RABGAP1L: variants seen among roughly 807,000 people sequenced by gnomAD.
RABGAP1L encodes rab GTPase-activating protein 1-like.
Under a neutral mutation model 137.7 loss-of-function variants are expected in RABGAP1L, and 63 were observed. The ratio of observed to expected loss-of-function variants is 0.46; its 90% CI spans 0.37 to 0.56. RABGAP1L has a LOEUF of 0.56. Among genes scored for constraint, RABGAP1L ranks in the 20% least tolerant of loss-of-function variants. The pLI, the probability that RABGAP1L is intolerant of heterozygous loss-of-function variation, is 0.00. For missense variants in RABGAP1L, 1,095 were observed against 1,244.0 expected (o/e 0.88, Z 1.80); for synonymous variants, 431 against 433.7 (o/e 0.99, Z 0.08).
At chr1:174,543,476 G>A (rs1421434991) in intron 13 of RABGAP1L, among the ~76,000 whole-genome samples, 2 of 151,918 alleles carry the variant, frequency 1.3e-5, no homozygotes, top group Non-Finnish European at 2.9e-5. Context: ...TTTATTTTGA[G>A]CCTATGTGTT....
intron 11 of RABGAP1L, among the ~76,000 whole-genome samples, chr1:174,369,399 C>G (rs907696187): frequency 5.3e-5 from 8 of 152,128 alleles, no homozygotes; most frequent in Non-Finnish European, 8.8e-5. Context: ...CCATGTTGCC[C>G]AGGCTGGTCT....
chr1:174,612,413 A>G (rs1671344145), intron 13 of RABGAP1L, among the ~76,000 whole-genome samples: 1 of 152,160 alleles, frequency 6.6e-6, no homozygotes. Context: ...AGCCCACTTG[A>G]TCATGGTGGA....
intron 13 of RABGAP1L, among the ~76,000 whole-genome samples, chr1:174,481,838 A>G (rs1659116625): frequency 6.6e-6 from 1 of 151,512 alleles, no homozygotes; most frequent in African/African-American, 2.4e-5. Flanking sequence ...ACTAACCTGC[A>G]CAATGTGCAC....
At chr1:174,800,597 T>C in intron 18 of RABGAP1L, 4 of 1,464,464 alleles carry the variant, frequency 2.7e-6, no homozygotes, top group Non-Finnish European at 3.6e-6. Context: ...TCTCTGGTTT[T>C]CTTCTCCTTC....
chr1:174,446,602 T>G (rs1221465902), intron 13 of RABGAP1L, among the ~76,000 whole-genome samples: 1 of 152,212 alleles, frequency 6.6e-6, no homozygotes, highest in Non-Finnish European at 1.5e-5. Flanking sequence ...CTTGCAATGT[T>G]TCAAACTCTA....
At chr1:174,449,644 T>G (rs2149254253) in intron 13 of RABGAP1L, among the ~76,000 whole-genome samples, 1 of 152,344 alleles carries the variant, frequency 6.6e-6, no homozygotes, top group South Asian at 2.1e-4. Context: ...ATATATGTGG[T>G]AAAGTATAAT....
intron 15 of RABGAP1L, among the ~76,000 whole-genome samples, chr1:174,690,273 CTTA>C (rs1678784526): frequency 6.6e-6 from 1 of 152,098 alleles, no homozygotes; most frequent in Non-Finnish European, 1.5e-5. Flanking sequence ...TCCTTCTAGG[CTTA>C]TTATGAGTAT....
At position 174,840,279 on chromosome 1, in the gene RABGAP1L, G is replaced by A. The variant is rs151170782; in HGVS notation, c.2340+28319G>A. Among the ~76,000 whole-genome samples, 46 of 152,268 alleles carry A rather than the reference G, an allele frequency of 3.0e-4. No homozygotes were observed. The East Asian group carries it at 6.2e-3, about 20-fold the overall frequency. On this transcript the variant is annotated intron_variant, in intron 19 of 25. Coordinates refer to ENST00000681986, the MANE Select transcript of RABGAP1L (RefSeq NM_001366446.1). ...CTTCTCCCTTACAAATTATCCAACT[G>A]CACTGGGAGAGCAACATGGTAGAAA...
chr1:174,707,141 A>C (rs1312533294), intron 17 of RABGAP1L, among the ~76,000 whole-genome samples: 1 of 152,212 alleles, frequency 6.6e-6, no homozygotes, highest in Non-Finnish European at 1.5e-5. Flanking sequence ...ACAGCCTTCC[A>C]AGGTAGCATG....
At chr1:174,800,258 T>C in intron 18 of RABGAP1L, 1 of 1,470,778 alleles carries the variant, frequency 6.8e-7, no homozygotes, top group Non-Finnish European at 9.0e-7. Context: ...TAAACCTGGC[T>C]CCCCTCCCAC....
intron 14 of RABGAP1L, among the ~76,000 whole-genome samples, chr1:174,639,496 T>A (rs1557938471): frequency 6.6e-6 from 1 of 152,174 alleles, no homozygotes; most frequent in Non-Finnish European, 1.5e-5. Flanking sequence ...GGAAAATTTA[T>A]ATCATTTCCA....
At chr1:174,270,592 A>T (rs1337329189) in intron 7 of RABGAP1L, among the ~76,000 whole-genome samples, 1 of 152,010 alleles carries the variant, frequency 6.6e-6, no homozygotes. Flanking sequence ...CCTTATGCCT[A>T]TAAAAATAAA....
At chr1:174,965,621 C>G (rs973530896) in intron 20 of RABGAP1L, among the ~76,000 whole-genome samples, 4 of 152,184 alleles carry the variant, frequency 2.6e-5, no homozygotes, top group Non-Finnish European at 4.4e-5. Flanking sequence ...TAGAAAATCT[C>G]CATCTCAGTA....
intron 17 of RABGAP1L, among the ~76,000 whole-genome samples, chr1:174,740,822 A>T (rs1398919936): frequency 6.6e-6 from 1 of 152,094 alleles, no homozygotes; most frequent in African/African-American, 2.4e-5. Flanking sequence ...ATGATTCATG[A>T]GGTTGAACAT....
chr1:174,205,671 A>G (rs1248402310), intron 1 of RABGAP1L, among the ~76,000 whole-genome samples: 2 of 151,586 alleles, frequency 1.3e-5, no homozygotes, highest in African/African-American at 4.8e-5. Context: ...TCTTTTCTTT[A>G]TTACTCTAGC....
Position 174,345,861 on chromosome 1 carries a change from A to C in RABGAP1L, c.1466-25118A>C, listed in dbSNP as rs1473170124. On this transcript the variant is annotated intron_variant, in intron 11 of 25. Transcript: ENST00000681986. ...AGACTTTCAGTTTTCACCCATTCAC[A>C]GTGATACTAGCTGTGGGTCTTTTGT... 1.6e-4 allele frequency among the ~76,000 whole-genome samples: 25 copies of C among 152,152 alleles called. 1 individual carries two copies. The highest frequency in any genetic ancestry group is 1.6e-3 in the Admixed American group (25 of 15,282).
chr1:174,616,639 C>G (rs1376892557), intron 13 of RABGAP1L, among the ~76,000 whole-genome samples: 1 of 152,160 alleles, frequency 6.6e-6, no homozygotes, highest in African/African-American at 2.4e-5. Context: ...ACAAGACTTC[C>G]AAAATAATTA....
chr1:174,475,456 A>G (rs1416134528), intron 13 of RABGAP1L, among the ~76,000 whole-genome samples: 1 of 152,150 alleles, frequency 6.6e-6, no homozygotes, highest in Non-Finnish European at 1.5e-5. Context: ...TTTTTGTTAC[A>G]ATGCCAGGGA....
At chr1:174,452,151 A>G (rs1655520969) in intron 13 of RABGAP1L, among the ~76,000 whole-genome samples, 1 of 152,228 alleles carries the variant, frequency 6.6e-6, no homozygotes, top group South Asian at 2.1e-4. Context: ...AATAGGAAGC[A>G]TAACCATTTT....
Sources: gnomAD v4.1 joint callset for allele counts (sites outside exome capture counted in the v4.1 genomes callset) on GRCh38, gnomAD v4.1.1 for gene constraint, MANE v1.5 for transcripts, NCBI Gene and HGNC (gene_info 2026-07-23, HGNC 2026-07-21) for gene names.